PHLPP1: variants seen among roughly 807,000 people sequenced by gnomAD.
PHLPP1 encodes the protein PH domain and leucine rich repeat protein phosphatase 1.
PHLPP1 carries 42 observed loss-of-function variants against 117.2 expected under a neutral mutation model. The observed-to-expected ratio is 0.36, with a 90% CI of 0.28 to 0.46. PHLPP1 has a LOEUF of 0.46. PHLPP1 is among the 20% of genes least tolerant of loss of function. PHLPP1 has a pLI of 1.00. For synonymous variants in PHLPP1, 1,042 were observed against 970.7 expected (o/e 1.07, Z -1.37); for missense variants, 2,084 against 2,241.9 (o/e 0.93, Z 1.42).
intron 4 of PHLPP1, among the ~76,000 whole-genome samples, chr18:62,863,157 T>G (rs1440992089): frequency 6.6e-6 from 1 of 151,970 alleles, no homozygotes; most frequent in Non-Finnish European, 1.5e-5. Flanking sequence ...TTGGCTACTT[T>G]TATGGTTCTC....
chr18:62,853,154 A>G (rs1404071900), intron 3 of PHLPP1, among the ~76,000 whole-genome samples: 1 of 152,106 alleles, frequency 6.6e-6, no homozygotes, highest in African/African-American at 2.4e-5. Flanking sequence ...AGTGTTCTTT[A>G]GAGGAAATAT....
In PHLPP1 at chr18:62,716,060, T is replaced by G; in HGVS notation, c.377T>G (p.Leu126Arg). 1 of 1,478,930 alleles carries G rather than the reference T, an allele frequency of 6.8e-7. No homozygotes were observed. Among genetic ancestry groups the G allele is most frequent in the Non-Finnish European group, 8.9e-7 (1 of 1,124,308 alleles). 91.6% of individuals were successfully genotyped at this position (1,478,930 alleles called of 1,614,324 possible). Residue 126 changes from leucine (L) to arginine (R), a missense_variant, in exon 1 of 17, where the codon CTG (leucine) becomes CGG (arginine). Leu to Arg is a moderately radical substitution (Grantham distance 102). Around this residue, in one of 2 missense-constraint regions of PHLPP1, gnomAD observed 719 missense variants for 636.0 expected, o/e 1.13. Coordinates refer to ENST00000262719, the MANE Select transcript of PHLPP1 (RefSeq NM_194449.4). The surrounding 1 kb of genome is among the most constrained non-coding windows in gnomAD (Gnocchi z 5.7). The part of the protein sequence containing the change: ...ANSLLLRRGR[L>R]KRNLSAAAAA... ...TCCCTCCTGCTGAGGAGAGGGCGGC[T>G]GAAGAGGAATCTGTCCGCGGCCGCC...
At chr18:62,819,762 C>T (rs187648499) in intron 1 of PHLPP1, among the ~76,000 whole-genome samples, 2 of 152,312 alleles carry the variant, frequency 1.3e-5, no homozygotes, top group East Asian at 1.9e-4. Context: ...TCTCCTGCCT[C>T]AGCCTCCCGA....
chr18:62,791,736 TTATGA>T (rs1335528321), intron 1 of PHLPP1, among the ~76,000 whole-genome samples: 2 of 152,192 alleles, frequency 1.3e-5, no homozygotes, highest in African/African-American at 4.8e-5. Context: ...AGTAGGGAAC[TTATGA>T]TATGACTTTA....
intron 14 of PHLPP1, among the ~76,000 whole-genome samples, chr18:62,970,044 T>C (rs949351104): frequency 6.6e-6 from 1 of 152,210 alleles, no homozygotes; most frequent in Admixed American, 6.5e-5. Flanking sequence ...TTTTTCCTTT[T>C]TCTTCATTCT....
intron 1 of PHLPP1, among the ~76,000 whole-genome samples, chr18:62,766,853 C>T (rs1203190596): frequency 1.3e-5 from 2 of 152,130 alleles, no homozygotes; most frequent in Non-Finnish European, 2.9e-5. Context: ...AGTTACCAAT[C>T]ACTAACTCTT....
chr18:62,917,396 T>TTGTGTGTGTGTGTGTGTGTGTG (rs34407573), intron 9 of PHLPP1, among the ~76,000 whole-genome samples: 21 of 141,490 alleles, frequency 1.5e-4, no homozygotes, highest in African/African-American at 5.6e-4. Flanking sequence ...ACAGTATTCT[T>TTGTGTGTGTGTGTGTGTGTGTG]TGTGTGTGTG....
intron 12 of PHLPP1, among the ~76,000 whole-genome samples, chr18:62,950,804 C>G (rs1161176227): frequency 2.0e-5 from 3 of 152,090 alleles, no homozygotes; most frequent in Admixed American, 6.5e-5. Context: ...ATGTCAATTC[C>G]TGTTTGGGAC....
At chr18:62,917,396 T>TGTG (rs1909321733) in intron 9 of PHLPP1, among the ~76,000 whole-genome samples, 246 of 141,490 alleles carry the variant, frequency 1.7e-3, no homozygotes, top group Non-Finnish European at 2.6e-3. Flanking sequence ...ACAGTATTCT[T>TGTG]TGTGTGTGTG....
chr18:62,966,236 C>G lies in PHLPP1; in HGVS notation c.3560+2764C>G, dbSNP rs374888706. On this transcript the variant is annotated intron_variant, in intron 14 of 16. Transcript: ENST00000262719. ...GAACAATGTATGCCATATGATAAAC[C>G]CTATTTAAGTGTTAACTACTAATAT... 1.6e-4 allele frequency among the ~76,000 whole-genome samples: 25 copies of G among 151,956 alleles called. No individual in the cohort carries two copies. The East Asian group carries it at 4.4e-3, about 27-fold the overall frequency.
intron 1 of PHLPP1, among the ~76,000 whole-genome samples, chr18:62,771,487 C>G (rs191926732): frequency 6.6e-6 from 1 of 152,220 alleles, no homozygotes; most frequent in African/African-American, 2.4e-5. Flanking sequence ...AACAACAGCC[C>G]CAATGAACAA....
intron 13 of PHLPP1, 78 bp downstream of exon 13, chr18:62,958,837 C>A: frequency 6.6e-7 from 1 of 1,506,842 alleles, no homozygotes; most frequent in Non-Finnish European, 9.2e-7. Context: ...AAATGGGAAA[C>A]AAAATATGAA....
intron 2 of PHLPP1, among the ~76,000 whole-genome samples, chr18:62,836,486 A>T (rs374128494): frequency 1.1e-4 from 13 of 117,130 alleles, no homozygotes; most frequent in East Asian, 4.2e-4. Context: ...TAAATAAATA[A>T]AAATAAATTA....
At position 62,963,411 on chromosome 18, in the gene PHLPP1, G is replaced by A. The variant is rs1481860699; in HGVS notation, c.3499G>A (p.Ala1167Thr). ...GATTGATCAGCCTTCTACAGGAGAC[G>A]CTTCCGGAGCCCCAGCTGTATGGAG... ...FKIDQPSTGD[A>T]SGAPAVWSHG... The change falls in exon 14 of 17, where the codon GCT (alanine) becomes ACT (threonine). Residue 1167 changes from alanine (A) to threonine (T), a missense_variant. Ala to Thr is a moderately conservative substitution (Grantham distance 58). Around this residue, in one of 2 missense-constraint regions of PHLPP1, gnomAD observed 1,365 missense variants for 1,605.9 expected, o/e 0.85. Coordinates refer to ENST00000262719, the MANE Select transcript of PHLPP1 (RefSeq NM_194449.4). 5.0e-6 allele frequency: 8 copies of A among 1,613,410 alleles called. No individual in the cohort carries two copies. The highest frequency in any genetic ancestry group is 1.1e-5 in the South Asian group (1 of 90,906).
At chr18:62,798,972 G>A (rs1913701882) in intron 1 of PHLPP1, among the ~76,000 whole-genome samples, 2 of 152,134 alleles carry the variant, frequency 1.3e-5, no homozygotes, top group African/African-American at 4.8e-5. Flanking sequence ...TTAGCAATTA[G>A]ACTTAAGCTC....
In PHLPP1 at chr18:62,830,946, A is replaced by G. The variant is rs1417946315; in HGVS notation, c.1773+715A>G. 3.9e-5 allele frequency among the ~76,000 whole-genome samples: 6 copies of G among 152,154 alleles called. No homozygotes were observed. In the East Asian group the frequency reaches 9.7e-4, roughly 24 times the overall value. ...CTATAGTGCTTAAGTCTTTGACCAC[A>G]TTTTCCCCTATCTGTGTTTAGTGAT... On this transcript the variant is annotated intron_variant, in intron 2 of 16. Transcript: ENST00000262719.
chr18:62,809,860 G>A (rs1313060262), intron 1 of PHLPP1, among the ~76,000 whole-genome samples: 7 of 152,088 alleles, frequency 4.6e-5, no homozygotes, highest in South Asian at 2.1e-4. Flanking sequence ...ATGAATATGC[G>A]GATCTTTTGT....
chr18:62,833,910 G>T (rs548567324), intron 2 of PHLPP1, among the ~76,000 whole-genome samples: 3 of 152,270 alleles, frequency 2.0e-5, no homozygotes, highest in African/African-American at 7.2e-5. Context: ...AGTAGTTTGC[G>T]AGTGGAGTTA....
At chr18:62,721,375 G>A (rs1373066020) in intron 1 of PHLPP1, among the ~76,000 whole-genome samples, 3 of 151,838 alleles carry the variant, frequency 2.0e-5, no homozygotes. Context: ...ATCTTCATTG[G>A]GAAGTAGAGA....
Sources: gnomAD v4.1 joint callset for allele counts (sites outside exome capture counted in the v4.1 genomes callset) on GRCh38, gnomAD v4.1.1 for gene constraint, gnomAD v4.1.1 regional missense constraint, Gnocchi (gnomAD v3.1) non-coding constraint, MANE v1.5 for transcripts, NCBI Gene and HGNC (gene_info 2026-07-23, HGNC 2026-07-21) for gene names.